The following MICAL3 variants were observed in gnomAD, a reference collection of about 807,000 sequenced individuals.
MICAL3 encodes the protein microtubule associated monooxygenase, calponin and LIM domain containing 3.
Under a neutral mutation model 207.4 loss-of-function variants are expected in MICAL3, and 62 were observed. The observed-to-expected ratio is 0.30, with a 90% CI of 0.24 to 0.37. The LOEUF (loss-of-function observed/expected upper bound fraction) is 0.37, where lower values mean the gene tolerates loss of function less well. Among genes scored for constraint, MICAL3 ranks in the 10% least tolerant of loss-of-function variants. MICAL3 has a pLI of 1.00. For synonymous variants in MICAL3, 1,077 were observed against 1,069.3 expected, an observed-to-expected ratio of 1.01 and a Z score of -0.14; for missense variants, 2,368 against 2,635.6, an observed-to-expected ratio of 0.90 and a Z score of 2.22.
In MICAL3 at chr22:17,955,979, C is replaced by T. The variant is rs78480576; in HGVS notation, c.-74-49093G>A. ...TTAGTCATAAACCAAAATCTTCGAC[C>T]ATTAAACGGTGTTTATGAATGTTTA... On this transcript the variant is annotated intron_variant, in intron 1 of 31. Transcript: ENST00000441493. Among the ~76,000 whole-genome samples the T allele has an allele frequency of 9.1e-3, 1,386 of 152,324 alleles. 23 individuals are homozygous for T. Among genetic ancestry groups the T allele is most frequent in the African/African-American group, 0.032 (1,328 of 41,560 alleles).
At chr22:17,824,049 C>A (rs1171326824) in intron 22 of MICAL3, among the ~76,000 whole-genome samples, 2 of 152,072 alleles carry the variant, frequency 1.3e-5, no homozygotes, top group African/African-American at 4.8e-5. Context: ...AAACCCTCGA[C>A]AACTTCCCCT....
intron 1 of MICAL3, among the ~76,000 whole-genome samples, chr22:17,976,760 T>C (rs1211605902): frequency 2.0e-5 from 3 of 150,032 alleles, no homozygotes; most frequent in African/African-American, 7.3e-5. Flanking sequence ...AAGTTCTGAG[T>C]ATTAAAGGTT....
chr22:17,996,321 G>A (rs1922271830), intron 1 of MICAL3, among the ~76,000 whole-genome samples: 2 of 151,690 alleles, frequency 1.3e-5, no homozygotes, highest in Non-Finnish European at 2.9e-5. Context: ...GCAGGTGCCT[G>A]TAGTCCCAGC....
chr22:17,929,249 C>T (rs943520358), intron 1 of MICAL3, among the ~76,000 whole-genome samples: 38 of 148,562 alleles, frequency 2.6e-4, no homozygotes, highest in African/African-American at 9.1e-4. Flanking sequence ...CAGATGTGCA[C>T]CACCACGCCT....
At chr22:17,809,124 G>A (rs866285685) in intron 28 of MICAL3, among the ~76,000 whole-genome samples, 187 bp from the exon 29 acceptor site, 1 of 152,198 alleles carries the variant, frequency 6.6e-6, no homozygotes, top group Non-Finnish European at 1.5e-5. Context: ...TTGTGTAGAC[G>A]CCAGGCTCCG....
intron 19 of MICAL3, among the ~76,000 whole-genome samples, chr22:17,847,429 C>T (rs192906359): frequency 6.0e-4 from 91 of 152,224 alleles, no homozygotes; most frequent in African/African-American, 2.2e-3. Flanking sequence ...GGGGTTCATT[C>T]ATCCAATCAC....
intron 1 of MICAL3, among the ~76,000 whole-genome samples, chr22:17,986,443 C>T (rs1921020549): frequency 6.6e-6 from 1 of 152,048 alleles, no homozygotes; most frequent in Non-Finnish European, 1.5e-5. Flanking sequence ...TCGCTTAAAC[C>T]CGGGAGGCAG....
chr22:17,792,943 G>A (rs2061838929), intron 29 of MICAL3, among the ~76,000 whole-genome samples: 1 of 152,258 alleles, frequency 6.6e-6, no homozygotes, highest in African/African-American at 2.4e-5. Flanking sequence ...GTGCCCACAT[G>A]GCCGTGGAGG....
Position 17,810,789 on chromosome 22 carries a change from G to A in MICAL3, c.5470C>T (p.Leu1824=), listed in dbSNP as rs774734585. 1.2e-6 allele frequency: 2 copies of A among 1,613,952 alleles called. No homozygotes were observed. Among genetic ancestry groups the A allele is most frequent in the Non-Finnish European group, 1.7e-6 (2 of 1,179,856 alleles). The part of the protein sequence containing the change: ...REPRTYTEEE[L]NAKLTRRVQK... ...ACACGCCGGGTCAGCTTGGCATTCAGTTCCTCCTCCGTGTAGGTTCTTGGC... is the reference window on the plus strand; with the variant it reads ...ACACGCCGGGTCAGCTTGGCATTCAATTCCTCCTCCGTGTAGGTTCTTGGC... The change falls in exon 28 of 32, where the codon CTG becomes TTG. Residue 1824 remains leucine, a synonymous_variant. Transcript: ENST00000441493.
chr22:17,952,480 T>C (rs911563612), intron 1 of MICAL3, among the ~76,000 whole-genome samples: 5 of 152,186 alleles, frequency 3.3e-5, no homozygotes, highest in African/African-American at 4.8e-5. Context: ...TAAGTCAACC[T>C]GGGTCCACCA....
intron 1 of MICAL3, among the ~76,000 whole-genome samples, chr22:17,945,140 C>T (rs1183668140): frequency 6.6e-6 from 1 of 151,888 alleles, no homozygotes; most frequent in African/African-American, 2.4e-5. Flanking sequence ...TCCAACTCTC[C>T]CTGACCCCCA....
In MICAL3 at chr22:17,994,327, C is replaced by A. The variant is rs1263437185; in HGVS notation, c.-75+29954G>T. On this transcript the variant is annotated intron_variant, in intron 1 of 31. Coordinates refer to ENST00000441493, the MANE Select transcript of MICAL3 (RefSeq NM_015241.3). Reference sequence around the variant, plus strand: ...GGGGGCTCCAGGTGCCAGGAGTGAGCACTCTGCATCTTCCCCCTGACCAAG... The same window carrying A: ...GGGGGCTCCAGGTGCCAGGAGTGAGAACTCTGCATCTTCCCCCTGACCAAG... Among the ~76,000 whole-genome samples the A allele has an allele frequency of 4.6e-5, 7 of 152,306 alleles. 1 individual carries two copies. The South Asian group carries it at 1.0e-3, about 23-fold the overall frequency.
intron 19 of MICAL3, among the ~76,000 whole-genome samples, chr22:17,852,370 C>T (rs1022846661): frequency 6.6e-6 from 1 of 151,814 alleles, no homozygotes; most frequent in Non-Finnish European, 1.5e-5. Flanking sequence ...AGAGAAACAT[C>T]GATCACAGTC....
intron 19 of MICAL3, among the ~76,000 whole-genome samples, chr22:17,850,485 A>G (rs1247964981): frequency 7.7e-6 from 1 of 129,302 alleles, no homozygotes; most frequent in African/African-American, 3.0e-5. Context: ...ATCTTGGCTC[A>G]CTGCAAACCT....
intron 2 of MICAL3, 142 bp downstream of exon 2, chr22:17,906,407 C>A: frequency 1.3e-6 from 2 of 1,545,182 alleles, no homozygotes; most frequent in Non-Finnish European, 8.9e-7. Flanking sequence ...TGGTCGATGG[C>A]TCTGGCACAG....
At position 17,818,147 on chromosome 22, in the gene MICAL3, G is replaced by C. The variant is rs752726845; in HGVS notation, c.4514C>G (p.Pro1505Arg). The change falls in exon 26 of 32, where the codon CCC becomes CGC. Residue 1505 changes from proline to arginine, a missense_variant. Coordinates refer to ENST00000441493, the MANE Select transcript of MICAL3 (RefSeq NM_015241.3). ...MRPPREPAQPPREEVRKSFVE... is the reference protein window; with the variant it reads ...MRPPREPAQPRREEVRKSFVE... ...AAACGACTTCCGCACCTCCTCTCTGGGGGGCTGAGCAGGCTCCCGGGGGGG... is the reference window on the plus strand; with the variant it reads ...AAACGACTTCCGCACCTCCTCTCTGCGGGGCTGAGCAGGCTCCCGGGGGGG... The C allele has an allele frequency of 6.2e-6, 10 of 1,606,112 alleles. No homozygotes were observed. The Admixed American group carries it at 8.5e-5, about 14-fold the overall frequency.
intron 1 of MICAL3, among the ~76,000 whole-genome samples, chr22:17,981,875 C>T (rs1935922751): frequency 6.6e-6 from 1 of 152,102 alleles, no homozygotes; most frequent in South Asian, 2.1e-4. Flanking sequence ...TGCTGAGGTA[C>T]AAGGATCGCT....
chr22:17,834,927 C>T (rs918173100), intron 20 of MICAL3, among the ~76,000 whole-genome samples: 2 of 152,218 alleles, frequency 1.3e-5, no homozygotes, highest in African/African-American at 4.8e-5. Flanking sequence ...CAAGGGAAGG[C>T]CCCCTGGTTC....
intron 1 of MICAL3, among the ~76,000 whole-genome samples, chr22:17,954,951 T>TGACCTCAAGTGATCCTCCC (rs1934542922): frequency 6.6e-6 from 1 of 152,090 alleles, no homozygotes; most frequent in Non-Finnish European, 1.5e-5. Flanking sequence ...CTCAAACTCC[T>TGACCTCAAGTGATCCTCCC]GACCTCAAGT....
Sources: gnomAD v4.1 joint callset for allele counts (sites outside exome capture counted in the v4.1 genomes callset) on GRCh38, gnomAD v4.1.1 for gene constraint, MANE v1.5 for transcripts, NCBI Gene and HGNC (gene_info 2026-07-23, HGNC 2026-07-21) for gene names.